ZBTB38: variants seen among roughly 807,000 people sequenced by gnomAD.
ZBTB38 encodes zinc finger and BTB domain-containing protein 38.
A neutral mutation model predicts 76.8 loss-of-function variants in ZBTB38; 20 were observed. The ratio of observed to expected loss-of-function variants is 0.26; its 90% CI spans 0.18 to 0.38. The LOEUF is 0.38. Ranked by LOEUF, ZBTB38 falls within the 10% of genes least tolerant of loss-of-function variation. The pLI is 1.00. For synonymous variants in ZBTB38, 504 were observed against 544.2 expected (o/e 0.93, Z 1.03); for missense variants, 1,082 against 1,482.3 (o/e 0.73, Z 4.43).
At chr3:141,339,807 T>C (rs1472126490) in intron 1 of ZBTB38, among the ~76,000 whole-genome samples, 2 of 152,164 alleles carry the variant, frequency 1.3e-5, no homozygotes, top group African/African-American at 4.8e-5. Flanking sequence ...CAGATAGAAG[T>C]GTTGAATCAG....
At chr3:141,386,739 A>G (rs1427171541) in intron 3 of ZBTB38, 133 bp from the exon 4 acceptor site, 1 of 152,624 alleles carries the variant, frequency 6.6e-6, no homozygotes, top group Non-Finnish European at 1.5e-5. Context: ...TTCATTGTGG[A>G]GCAGCTCTGC....
intron 5 of ZBTB38, among the ~76,000 whole-genome samples, chr3:141,436,012 A>C (rs1383139554): frequency 6.6e-6 from 1 of 152,174 alleles, no homozygotes. Flanking sequence ...AGAAAGTTAC[A>C]TGTAAATTAA....
intron 1 of ZBTB38, among the ~76,000 whole-genome samples, chr3:141,357,361 T>C (rs1318068100): frequency 6.6e-6 from 1 of 152,232 alleles, no homozygotes; most frequent in Non-Finnish European, 1.5e-5. Flanking sequence ...ATGGTGTCTT[T>C]AGCCAAACAG....
chr3:141,330,279 C>T (rs563545402), intron 1 of ZBTB38, among the ~76,000 whole-genome samples: 13 of 152,292 alleles, frequency 8.5e-5, no homozygotes, highest in South Asian at 4.1e-4. Context: ...GCAATTAATG[C>T]GCTCTCCTGA....
At chr3:141,355,376 A>C (rs1380535140) in intron 1 of ZBTB38, among the ~76,000 whole-genome samples, 1 of 152,098 alleles carries the variant, frequency 6.6e-6, no homozygotes, top group Non-Finnish European at 1.5e-5. Context: ...CAGGAGCCCT[A>C]GTCTTTCACA....
chr3:141,432,968 C>T (rs984996924), intron 5 of ZBTB38, among the ~76,000 whole-genome samples: 2 of 152,180 alleles, frequency 1.3e-5, no homozygotes, highest in African/African-American at 4.8e-5. Context: ...TAGGTAGCAA[C>T]CTCAAAGAAC....
At chr3:141,405,074 T>C (rs1270032518) in intron 5 of ZBTB38, among the ~76,000 whole-genome samples, 1 of 152,252 alleles carries the variant, frequency 6.6e-6, no homozygotes, top group Admixed American at 6.5e-5. Flanking sequence ...CCTCAATTTA[T>C]AAATGATAGT....
chr3:141,402,372 C>T (rs1952375438), intron 4 of ZBTB38: 1 of 151,592 alleles, frequency 6.6e-6, no homozygotes, highest in South Asian at 2.1e-4. Flanking sequence ...TGCTGTGCAG[C>T]GCTGCGGCCG....
chr3:141,371,045 C>CTTTCTTTTTTTTTTTTTTTTTTTTTT (rs1944498561), intron 2 of ZBTB38, among the ~76,000 whole-genome samples: 2 of 72,006 alleles, frequency 2.8e-5, no homozygotes, highest in African/African-American at 1.6e-4. Context: ...TTCTTTCTTT[C>CTTTCTTTTTTTTTTTTTTTTTTTTTT]TTTTTTTTTT....
rs1035582094 is a variant in ZBTB38, at chr3:141,425,073, A to G, written c.1-17316A>G. Among the ~76,000 whole-genome samples the G allele has an allele frequency of 1.2e-4, 19 of 152,370 alleles. 1 individual carries two copies. Among genetic ancestry groups the G allele is most frequent in the Middle Eastern group, 6.8e-3 (2 of 294 alleles). ...GCAAGGAGTTTTTAAAATTTGCACA[A>G]GGTCACAGCCAGAGCATGACAGAGC... On this transcript the variant is annotated intron_variant, in intron 5 of 5. Transcript: ENST00000321464.
chr3:141,428,447 C>A (rs1347484724), intron 5 of ZBTB38, among the ~76,000 whole-genome samples: 1 of 152,140 alleles, frequency 6.6e-6, no homozygotes, highest in African/African-American at 2.4e-5. Context: ...ATATTGAGCA[C>A]TAACTGTTAA....
At chr3:141,334,461 C>T (rs553998000) in intron 1 of ZBTB38, among the ~76,000 whole-genome samples, 16 of 145,736 alleles carry the variant, frequency 1.1e-4, no homozygotes, top group African/African-American at 4.2e-4. Flanking sequence ...TTCTTCCTTC[C>T]TTCCTTCCTT....
chr3:141,333,787 G>A (rs1350175480), intron 1 of ZBTB38, among the ~76,000 whole-genome samples: 1 of 152,172 alleles, frequency 6.6e-6, no homozygotes. Flanking sequence ...CAGTAATATT[G>A]CAGTGGATAT....
intron 5 of ZBTB38, among the ~76,000 whole-genome samples, chr3:141,423,687 A>T (rs985103119): frequency 3.3e-5 from 5 of 152,254 alleles, no homozygotes; most frequent in Non-Finnish European, 7.3e-5. Context: ...CTTCAAGGGA[A>T]GCTTGAACCA....
At chr3:141,403,542 T>C (rs1953121363) in intron 4 of ZBTB38, among the ~76,000 whole-genome samples, 1 of 152,268 alleles carries the variant, frequency 6.6e-6, no homozygotes, top group East Asian at 1.9e-4. Context: ...TATGAGACTT[T>C]TGGTTTTCGG....
intron 5 of ZBTB38, among the ~76,000 whole-genome samples, chr3:141,412,087 C>A (rs558221529): frequency 6.6e-6 from 1 of 152,166 alleles, no homozygotes; most frequent in Non-Finnish European, 1.5e-5. Context: ...CCTAGCAACT[C>A]CCTTACATTA....
upstream of ZBTB38, among the ~76,000 whole-genome samples, chr3:141,365,093 T>A (rs1295117152): frequency 3.3e-5 from 5 of 151,944 alleles, no homozygotes; most frequent in Non-Finnish European, 7.4e-5. Context: ...CACATGAATG[T>A]TCATAGCAAC....
chr3:141,423,194 T>G (rs536103783), intron 5 of ZBTB38, among the ~76,000 whole-genome samples: 1 of 152,310 alleles, frequency 6.6e-6, no homozygotes, highest in South Asian at 2.1e-4. Context: ...ACTTCAGCAC[T>G]AGGGAAATCT....
chr3:141,334,484 T>C (rs1450822801), intron 1 of ZBTB38, among the ~76,000 whole-genome samples: 5 of 146,916 alleles, frequency 3.4e-5, no homozygotes, highest in Non-Finnish European at 4.5e-5. Context: ...TTCTTTCCTT[T>C]CTTCCTTCCT....
Sources: gnomAD v4.1 joint callset for allele counts (sites outside exome capture counted in the v4.1 genomes callset) on GRCh38, gnomAD v4.1.1 for gene constraint, MANE v1.5 for transcripts, NCBI Gene and HGNC (gene_info 2026-07-23, HGNC 2026-07-21) for gene names.